The following TBC1D1 variants were observed in gnomAD, a reference collection of about 807,000 sequenced individuals.
The protein encoded by TBC1D1 is TBC1 (tre-2/USP6, BUB2, cdc16) domain family, member 1.
Under a neutral mutation model 125.6 loss-of-function variants are expected in TBC1D1, and 89 were observed. That is an observed-to-expected ratio of 0.71 (90% CI 0.60 to 0.85). TBC1D1 has a LOEUF of 0.85. Ranked by LOEUF, TBC1D1 falls within the 40% of genes least tolerant of loss-of-function variation. TBC1D1 has a pLI of 0.00. For missense variants in TBC1D1, 1,377 were observed against 1,469.2 expected (o/e 0.94, Z 1.03); for synonymous variants, 565 against 564.1 (o/e 1.00, Z -0.02).
chr4:37,973,736 C>G (rs1732508647), intron 2 of TBC1D1, among the ~76,000 whole-genome samples: 1 of 152,206 alleles, frequency 6.6e-6, no homozygotes, highest in Admixed American at 6.5e-5. Flanking sequence ...CATACCAGCC[C>G]AAGAACACAG....
intron 17 of TBC1D1, chr4:38,118,486 T>C (rs1467104897): frequency 2.6e-5 from 8 of 305,912 alleles, no homozygotes; most frequent in African/African-American, 1.7e-4. Context: ...TTGGAGGACT[T>C]GGCTGAGGAG....
chr4:38,039,428 C>CT (rs543266202), intron 8 of TBC1D1, among the ~76,000 whole-genome samples: 1 of 152,054 alleles, frequency 6.6e-6, no homozygotes, highest in South Asian at 2.1e-4. Context: ...GCATCATACT[C>CT]TTTGAGTTCT....
At chr4:38,127,863 G>A (rs1764916378) in intron 18 of TBC1D1, among the ~76,000 whole-genome samples, 1 of 152,126 alleles carries the variant, frequency 6.6e-6, no homozygotes, top group Non-Finnish European at 1.5e-5. Flanking sequence ...CCTAAGATCG[G>A]CTGGCAGACA....
chr4:38,118,918 A>T (rs901553111), intron 17 of TBC1D1, among the ~76,000 whole-genome samples: 1 of 152,250 alleles, frequency 6.6e-6, no homozygotes, highest in African/African-American at 2.4e-5. Flanking sequence ...ACCTGCCTTC[A>T]TATGCAGGGA....
intron 1 of TBC1D1, among the ~76,000 whole-genome samples, chr4:37,897,171 G>A (rs1417461718): frequency 6.6e-6 from 1 of 152,146 alleles, no homozygotes; most frequent in Non-Finnish European, 1.5e-5. Flanking sequence ...GATTGAGATG[G>A]CTTTAAAAAA....
rs185625994 is a variant in TBC1D1, at chr4:38,137,701, G to A, written c.*366G>A. On this transcript the variant is annotated 3_prime_UTR_variant, in exon 20 of 20. Coordinates refer to ENST00000261439, the MANE Select transcript of TBC1D1 (RefSeq NM_015173.4). Reference sequence around the variant, plus strand: ...GGAATTTCAAAAGCTGGAAGAGCTCGAGATCATGCCTCAGGCAAAGGCGTG... The same window carrying A: ...GGAATTTCAAAAGCTGGAAGAGCTCAAGATCATGCCTCAGGCAAAGGCGTG... 6.2e-4 allele frequency: 118 copies of A among 190,116 alleles called. 1 individual carries two copies. The East Asian group carries it at 0.014, about 23-fold the overall frequency. 11.8% of individuals were successfully genotyped at this position (190,116 alleles called of 1,614,324 possible).
intron 2 of TBC1D1, among the ~76,000 whole-genome samples, chr4:37,951,392 C>T (rs1578010682): frequency 1.3e-5 from 2 of 152,246 alleles, no homozygotes; most frequent in Non-Finnish European, 2.9e-5. Flanking sequence ...TCCTATTTGA[C>T]ATTTTCCATA....
chr4:37,937,995 A>G (rs1188172321), intron 2 of TBC1D1, among the ~76,000 whole-genome samples: 1 of 152,122 alleles, frequency 6.6e-6, no homozygotes, highest in African/African-American at 2.4e-5. Flanking sequence ...GAGGGAAGGT[A>G]TTCACTCCGC....
At position 38,001,593 on chromosome 4, in the gene TBC1D1, C is replaced by T. The variant is rs1260079012; in HGVS notation, c.418-12916C>T. Among the ~76,000 whole-genome samples the T allele has an allele frequency of 2.0e-5, 3 of 152,168 alleles. No individual in the cohort carries two copies. In the East Asian group the frequency reaches 5.8e-4, roughly 29 times the overall value. The stretch of plus-strand genomic sequence containing the variant: ...AAGCTATCTAGGACCCAAAAAGAGT[C>T]ACCTCATTAGCATAAACTCAGGTAC... On this transcript the variant is annotated intron_variant, in intron 2 of 19. Coordinates refer to ENST00000261439, the MANE Select transcript of TBC1D1 (RefSeq NM_015173.4).
At chr4:38,077,443 T>G (rs1755784747) in intron 12 of TBC1D1, among the ~76,000 whole-genome samples, 2 of 152,324 alleles carry the variant, frequency 1.3e-5, no homozygotes, top group South Asian at 4.1e-4. Flanking sequence ...GCAAATGCTA[T>G]TTTGTGGCAT....
intron 17 of TBC1D1, among the ~76,000 whole-genome samples, chr4:38,122,295 T>C (rs2067557): frequency 0.37 from 56,416 of 152,022 alleles, 10,644 homozygotes; most frequent in African/African-American, 0.41. Context: ...AAAGGAACAA[T>C]AAGCATTCAG....
chr4:37,990,302 C>T (rs1217814974), intron 2 of TBC1D1, among the ~76,000 whole-genome samples: 1 of 149,732 alleles, frequency 6.7e-6, no homozygotes, highest in African/African-American at 2.5e-5. Context: ...GATTCATCAA[C>T]TTTCTTAAAA....
At position 38,116,584 on chromosome 4, in the gene TBC1D1, G is replaced by A. The variant is rs1181878577; in HGVS notation, c.2802+630G>A. ...CTTTAGGAGAGGGAAGGGATCTTAC[G>A]GGTCTTGGAGCCGAGTTCCTAGTTT... is the stretch of plus-strand genomic sequence containing the variant. On this transcript the variant is annotated intron_variant, in intron 16 of 19. Transcript: ENST00000261439. Among the ~76,000 whole-genome samples, 6 of 152,160 alleles carry A rather than the reference G, an allele frequency of 3.9e-5. No individual in the cohort carries two copies. The South Asian group carries it at 8.3e-4, about 21-fold the overall frequency.
chr4:37,916,669 C>T (rs548014339), intron 2 of TBC1D1, among the ~76,000 whole-genome samples: 3 of 152,116 alleles, frequency 2.0e-5, no homozygotes, highest in African/African-American at 7.2e-5. Context: ...GAGCCAAAGT[C>T]AAATTCCTAT....
At chr4:37,959,096 A>G (rs1445362745) in intron 2 of TBC1D1, among the ~76,000 whole-genome samples, 1 of 152,168 alleles carries the variant, frequency 6.6e-6, no homozygotes, top group East Asian at 1.9e-4. Flanking sequence ...GATACCTTTG[A>G]ATGGCCCTTT....
intron 2 of TBC1D1, among the ~76,000 whole-genome samples, chr4:37,948,182 A>G (rs916519573): frequency 1.3e-5 from 2 of 152,190 alleles, no homozygotes; most frequent in African/African-American, 4.8e-5. Flanking sequence ...GAAGATTATA[A>G]GAGGCACCAT....
At chr4:37,907,983 T>C (rs1023654270) in intron 2 of TBC1D1, among the ~76,000 whole-genome samples, 5 of 152,218 alleles carry the variant, frequency 3.3e-5, no homozygotes, top group African/African-American at 9.6e-5. Context: ...AAAGGGACTT[T>C]CCAGCACTGA....
intron 2 of TBC1D1, among the ~76,000 whole-genome samples, chr4:37,969,729 C>T (rs185102113): frequency 1.4e-3 from 212 of 152,344 alleles, no homozygotes; most frequent in Admixed American, 0.011. Flanking sequence ...ATCATCATCA[C>T]ACAGCGGGAT....
intron 10 of TBC1D1, among the ~76,000 whole-genome samples, chr4:38,046,646 C>T (rs1331444467): frequency 2.6e-5 from 4 of 152,156 alleles, no homozygotes; most frequent in Admixed American, 1.3e-4. Context: ...CATTCTCCCC[C>T]ACTTGTGGGG....
Sources: gnomAD v4.1 joint callset for allele counts (sites outside exome capture counted in the v4.1 genomes callset) on GRCh38, gnomAD v4.1.1 for gene constraint, MANE v1.5 for transcripts, NCBI Gene and HGNC (gene_info 2026-07-23, HGNC 2026-07-21) for gene names.